Variants in SSBP2 observed in about 807,000 individuals in gnomAD.
SSBP2 encodes single-stranded DNA-binding protein 2.
A neutral mutation model predicts 61.8 loss-of-function variants in SSBP2; 17 were observed. The ratio of observed to expected loss-of-function variants is 0.28; its 90% confidence interval spans 0.19 to 0.41. The LOEUF is 0.41. Among genes scored for constraint, SSBP2 ranks in the 10% least tolerant of loss-of-function variants. SSBP2 has a pLI of 1.00. For missense variants in SSBP2, 310 were observed against 458.7 expected (o/e 0.68, Z 2.96); for synonymous variants, 139 against 141.3 (o/e 0.98, Z 0.12).
intron 13 of SSBP2, among the ~76,000 whole-genome samples, chr5:81,440,896 T>C (rs1464162648): frequency 6.6e-6 from 1 of 152,248 alleles, no homozygotes; most frequent in African/African-American, 2.4e-5. Context: ...TCTTCAGATA[T>C]ACTCAGAAAG....
rs147311471 is a variant in SSBP2 at position 81,575,254 on chromosome 5, C to T, written c.282+40219G>A. Among the ~76,000 whole-genome samples the T allele has an allele frequency of 7.9e-5, 12 of 152,022 alleles. No individual in the cohort carries two copies. In the East Asian group the frequency reaches 2.1e-3, roughly 27 times the overall value. On this transcript the variant is annotated intron_variant, in intron 4 of 16. Coordinates refer to ENST00000320672, the MANE Select transcript of SSBP2 (RefSeq NM_012446.5). Reference sequence around the variant, plus strand: ...CTGCACTCCAGCCTGGGTGACAGAGCGAGACTTCGTCTCAAAAAAACAAAA... The same window carrying T: ...CTGCACTCCAGCCTGGGTGACAGAGTGAGACTTCGTCTCAAAAAAACAAAA...
chr5:81,417,754 T>G lies in SSBP2; in HGVS notation c.*2750A>C, dbSNP rs562341659. On this transcript the variant is annotated 3_prime_UTR_variant, in exon 17 of 17. Coordinates refer to ENST00000320672, the MANE Select transcript of SSBP2 (RefSeq NM_012446.5). ...ATCAAGTATCCTTACATTCTGGGTT[T>G]CTTGGATACAATTTTCTCCTCAAAA... 4 of 152,332 alleles carry G rather than the reference T, an allele frequency of 2.6e-5. No homozygotes were observed. The South Asian group carries it at 8.3e-4, about 32-fold the overall frequency. The allele number at this position is 152,332 out of a possible 1,614,324, so 9.4% of individuals were successfully genotyped here.
At chr5:81,451,722 C>T (rs759724365) in intron 10 of SSBP2, among the ~76,000 whole-genome samples, 8 of 152,386 alleles carry the variant, frequency 5.2e-5, no homozygotes, top group Non-Finnish European at 1.0e-4. Context: ...GCCACTGTGC[C>T]TGGCCTCCTT....
intron 10 of SSBP2, among the ~76,000 whole-genome samples, chr5:81,459,998 AAAAT>A (rs745644953): frequency 6.6e-6 from 1 of 152,206 alleles, no homozygotes; most frequent in Non-Finnish European, 1.5e-5. Context: ...CGTAGCTATT[AAAAT>A]TAAGAGAAAA....
At chr5:81,747,013 CA>C (rs1233069237) in intron 1 of SSBP2, among the ~76,000 whole-genome samples, 3 of 92,964 alleles carry the variant, frequency 3.2e-5, no homozygotes, top group Non-Finnish European at 6.9e-5. Context: ...AGCAATCAAA[CA>C]AAATTCCTGG....
At chr5:81,428,743 G>A in intron 15 of SSBP2, 60 bp from the exon 16 acceptor site, 1 of 1,226,386 alleles carries the variant, frequency 8.2e-7, no homozygotes, top group Non-Finnish European at 1.2e-6. Context: ...CTCTTGCACT[G>A]TACTGTTTCG....
intron 1 of SSBP2, among the ~76,000 whole-genome samples, chr5:81,665,113 T>C (rs916804501): frequency 6.6e-6 from 1 of 152,352 alleles, no homozygotes; most frequent in South Asian, 2.1e-4. Context: ...AATGGTAGTT[T>C]AATGGGAAAA....
intron 1 of SSBP2, among the ~76,000 whole-genome samples, chr5:81,657,107 T>G (rs926841247): frequency 6.6e-6 from 1 of 152,208 alleles, no homozygotes; most frequent in African/African-American, 2.4e-5. Flanking sequence ...TTTTACCGCA[T>G]AACTTTTCTT....
At chr5:81,481,863 G>C (rs1340277404) in intron 6 of SSBP2, among the ~76,000 whole-genome samples, 3 of 146,036 alleles carry the variant, frequency 2.1e-5, no homozygotes, top group Non-Finnish European at 2.9e-5. Flanking sequence ...AAAATAGTCA[G>C]TAAATCATGC....
At chr5:81,615,192 T>C (rs1037112670) in intron 4 of SSBP2, 6 of 234,034 alleles carry the variant, frequency 2.6e-5, no homozygotes, top group Non-Finnish European at 4.9e-5. Flanking sequence ...TATATTTAAT[T>C]TTCATAAAAT....
intron 6 of SSBP2, among the ~76,000 whole-genome samples, chr5:81,487,948 G>A (rs1766504957): frequency 7.1e-6 from 1 of 140,992 alleles, no homozygotes; most frequent in Non-Finnish European, 1.5e-5. Flanking sequence ...CACTGCTAAT[G>A]TCTTCTAGGT....
intron 1 of SSBP2, among the ~76,000 whole-genome samples, chr5:81,737,382 ACAT>A (rs1561745224): frequency 6.6e-6 from 1 of 151,602 alleles, no homozygotes; most frequent in Non-Finnish European, 1.5e-5. Context: ...TCCACATTTG[ACAT>A]CTCCACCACC....
intron 3 of SSBP2, among the ~76,000 whole-genome samples, chr5:81,626,394 T>C (rs892823461): frequency 1.3e-5 from 2 of 152,218 alleles, no homozygotes; most frequent in African/African-American, 2.4e-5. Flanking sequence ...AACTGAAGCT[T>C]AGGTTAAATT....
At chr5:81,455,179 A>G (rs1262800511) in intron 10 of SSBP2, among the ~76,000 whole-genome samples, 1 of 152,024 alleles carries the variant, frequency 6.6e-6, no homozygotes, top group African/African-American at 2.4e-5. Context: ...AAAACAAAAA[A>G]CAAAGCCCCC....
chr5:81,451,239 T>C (rs994606887), intron 10 of SSBP2, among the ~76,000 whole-genome samples: 1 of 152,150 alleles, frequency 6.6e-6, no homozygotes, highest in African/African-American at 2.4e-5. Flanking sequence ...CTTCCTGTCA[T>C]ACATTGAAGC....
chr5:81,704,839 A>G (rs912839438), intron 1 of SSBP2, among the ~76,000 whole-genome samples: 2 of 150,376 alleles, frequency 1.3e-5, no homozygotes, highest in African/African-American at 4.9e-5. Flanking sequence ...CCCTATTCAC[A>G]TTAGTTATTG....
chr5:81,539,225 A>T (rs976250408), intron 4 of SSBP2, among the ~76,000 whole-genome samples: 15 of 152,326 alleles, frequency 9.8e-5, no homozygotes, highest in Non-Finnish European at 1.8e-4. Context: ...TGAGTGGAAG[A>T]AGTCACTGCA....
intron 15 of SSBP2, among the ~76,000 whole-genome samples, chr5:81,432,463 C>T (rs1026818071): frequency 6.6e-6 from 1 of 152,100 alleles, no homozygotes; most frequent in African/African-American, 2.4e-5. Context: ...AGAAAACAAA[C>T]CGGCCGGGCA....
intron 1 of SSBP2, among the ~76,000 whole-genome samples, chr5:81,711,765 G>C (rs932027407): frequency 2.0e-5 from 3 of 151,792 alleles, no homozygotes; most frequent in Admixed American, 2.0e-4. Context: ...TAGCATAATG[G>C]TTAACAGTGT....
Sources: allele counts gnomAD v4.1 joint callset (sites outside exome capture counted in the v4.1 genomes callset), GRCh38; gene constraint gnomAD v4.1.1; transcripts MANE v1.5; gene names NCBI Gene and HGNC (gene_info 2026-07-23, HGNC 2026-07-21).